The following ZNF385B variants were observed in gnomAD, a reference collection of about 807,000 sequenced individuals.
ZNF385B encodes zinc finger protein 533.
Under a neutral mutation model 39.2 loss-of-function variants are expected in ZNF385B, and 23 were observed. The observed-to-expected ratio is 0.59, with a 90% CI of 0.42 to 0.83. The LOEUF is 0.83. Among genes scored for constraint, ZNF385B ranks in the 40% least tolerant of loss-of-function variants. The probability of loss-of-function intolerance (pLI) is 0.00; values close to 1 mark genes in which losing one functional copy is unlikely to be tolerated. For missense variants in ZNF385B, 552 were observed against 598.9 expected, an observed-to-expected ratio of 0.92 and a Z score of 0.82; for synonymous variants, 205 against 222.6, an observed-to-expected ratio of 0.92 and a Z score of 0.70.
Position 179,444,861 on chromosome 2 carries a change from G to A in ZNF385B, c.1242+15C>T. ...GCTGCCCCACAAAACAGGTGAGCAG[G>A]TGAGGTAAACTTACTGCTAGAATAC... On this transcript the variant is annotated intron_variant, in intron 9 of 9. Transcript: ENST00000410066. 2 of 1,606,438 alleles carry A rather than the reference G, an allele frequency of 1.2e-6. No individual in the cohort carries two copies. The highest frequency in any genetic ancestry group is 1.7e-6 in the Non-Finnish European group (2 of 1,173,018).
At chr2:179,832,804 T>C (rs1350802150) in intron 1 of ZNF385B, among the ~76,000 whole-genome samples, 2 of 152,204 alleles carry the variant, frequency 1.3e-5, no homozygotes, top group East Asian at 3.8e-4. Flanking sequence ...CCTAACCGAA[T>C]ACACATTATG....
chr2:179,734,876 C>G (rs996023051), intron 3 of ZNF385B, among the ~76,000 whole-genome samples: 1 of 152,050 alleles, frequency 6.6e-6, no homozygotes. Context: ...ATAGAAAAAT[C>G]AATTCAAGAT....
chr2:179,571,927 AGTT>A (rs1233216900), intron 3 of ZNF385B, among the ~76,000 whole-genome samples: 1 of 152,006 alleles, frequency 6.6e-6, no homozygotes, highest in Non-Finnish European at 1.5e-5. Context: ...GGATTCTGTA[AGTT>A]GATGCCCTAA....
At chr2:179,622,006 T>TATCTCTTC (rs2106163601) in intron 3 of ZNF385B, among the ~76,000 whole-genome samples, 1 of 152,288 alleles carries the variant, frequency 6.6e-6, no homozygotes, top group East Asian at 1.9e-4. Context: ...CCAGGATTTT[T>TATCTCTTC]ATCTCTTCCA....
intron 5 of ZNF385B, among the ~76,000 whole-genome samples, chr2:179,490,316 A>ACACAC (rs2055074758): frequency 1.1e-4 from 17 of 150,080 alleles, no homozygotes; most frequent in African/African-American, 4.2e-4. Flanking sequence ...TACACACACA[A>ACACAC]ACACACACAC....
At chr2:179,492,588 T>C (rs1041042959) in intron 5 of ZNF385B, among the ~76,000 whole-genome samples, 4 of 152,164 alleles carry the variant, frequency 2.6e-5, no homozygotes, top group African/African-American at 4.8e-5. Flanking sequence ...CAAAGTAACT[T>C]TGAAAGTTCA....
chr2:179,566,616 T>C (rs552124935), intron 3 of ZNF385B, among the ~76,000 whole-genome samples: 2 of 152,380 alleles, frequency 1.3e-5, no homozygotes, highest in South Asian at 4.1e-4. Context: ...CTGTTGATTA[T>C]AAATTGTAAA....
At chr2:179,717,739 C>T (rs1379972042) in intron 3 of ZNF385B, among the ~76,000 whole-genome samples, 1 of 152,128 alleles carries the variant, frequency 6.6e-6, no homozygotes, top group Non-Finnish European at 1.5e-5. Context: ...AACAAATAAA[C>T]AAACAAAAAC....
At chr2:179,681,069 C>T (rs1212222088) in intron 3 of ZNF385B, among the ~76,000 whole-genome samples, 2 of 142,826 alleles carry the variant, frequency 1.4e-5, no homozygotes, top group African/African-American at 5.1e-5. Context: ...TTATCTATGA[C>T]TTAAACAACT....
At position 179,732,391 on chromosome 2, in the gene ZNF385B, G is replaced by T. The variant is rs74478555; in HGVS notation, c.298+37112C>A. Among the ~76,000 whole-genome samples the T allele has an allele frequency of 3.3e-3, 504 of 152,284 alleles. 2 individuals carry two copies. The highest frequency in any genetic ancestry group is 0.012 in the African/African-American group (482 of 41,570). ...TGCAGCTGATCATAATAGGAAAAGG[G>T]TATGTATGACTTGGTGAAAATCCAA... On this transcript the variant is annotated intron_variant, in intron 3 of 9. Coordinates refer to ENST00000410066, the MANE Select transcript of ZNF385B (RefSeq NM_152520.6).
At chr2:179,813,863 T>C (rs1157846419) in intron 1 of ZNF385B, among the ~76,000 whole-genome samples, 1 of 152,214 alleles carries the variant, frequency 6.6e-6, no homozygotes, top group Non-Finnish European at 1.5e-5. Context: ...GCAATTTCCT[T>C]CAGACTCTAG....
At chr2:179,697,970 T>C (rs1391184896) in intron 3 of ZNF385B, among the ~76,000 whole-genome samples, 1 of 152,124 alleles carries the variant, frequency 6.6e-6, no homozygotes, top group Non-Finnish European at 1.5e-5. Flanking sequence ...ATGTTCTCAC[T>C]CATAGGTGGG....
At chr2:179,461,711 C>T (rs116532679) in intron 6 of ZNF385B, among the ~76,000 whole-genome samples, 2,557 of 152,204 alleles carry the variant, frequency 0.017, 43 homozygotes, top group Non-Finnish European at 0.023. Context: ...CTACCCTTTT[C>T]TTATTGACTT....
rs1703909063 is a variant in ZNF385B at position 179,769,793 on chromosome 2, T to C, written c.8A>G (p.Tyr3Cys). Residue 3 changes from tyrosine to cysteine, a missense_variant, in exon 3 of 10, where the codon TAC (tyrosine) becomes TGC (cysteine). Coordinates refer to ENST00000410066, the MANE Select transcript of ZNF385B (RefSeq NM_152520.6). ...AAGATGGTTGTCAGGGCTTAAGGAG[T>C]ACCTCATGCCTGAAAAACAAAACAA... is the stretch of plus-strand genomic sequence containing the variant. The part of the protein sequence containing the change: MR[Y>C]SLSPDNHLED... 1.9e-6 allele frequency: 3 copies of C among 1,608,192 alleles called. No homozygotes were observed. Among genetic ancestry groups the C allele is most frequent in the Non-Finnish European group, 2.6e-6 (3 of 1,176,458 alleles).
intron 3 of ZNF385B, among the ~76,000 whole-genome samples, chr2:179,648,523 T>A (rs1177455836): frequency 2.0e-5 from 3 of 152,256 alleles, no homozygotes; most frequent in Non-Finnish European, 2.9e-5. Context: ...CTCCGAGCAC[T>A]GGCCACTAAG....
At chr2:179,562,455 T>C (rs539598186) in intron 3 of ZNF385B, 15 of 985,400 alleles carry the variant, frequency 1.5e-5, no homozygotes, top group South Asian at 4.7e-5. Flanking sequence ...CTGTACGAGA[T>C]GTTACATTTA....
chr2:179,828,547 G>A (rs1267527313), intron 1 of ZNF385B, among the ~76,000 whole-genome samples: 1 of 151,998 alleles, frequency 6.6e-6, no homozygotes, highest in Non-Finnish European at 1.5e-5. Context: ...AGATGATTTG[G>A]TTTAATACTA....
At chr2:179,720,868 T>G (rs1156648159) in intron 3 of ZNF385B, among the ~76,000 whole-genome samples, 9 of 150,144 alleles carry the variant, frequency 6.0e-5, no homozygotes, top group Admixed American at 6.0e-4. Flanking sequence ...CAAGTGATAC[T>G]CCTGCCTCAG....
chr2:179,544,098 G>A (rs1307627194), intron 4 of ZNF385B, among the ~76,000 whole-genome samples: 1 of 152,140 alleles, frequency 6.6e-6, no homozygotes, highest in African/African-American at 2.4e-5. Flanking sequence ...ATAAGGTTTA[G>A]AATCTGGCTA....
Sources: gnomAD v4.1 joint callset for allele counts (sites outside exome capture counted in the v4.1 genomes callset) on GRCh38, gnomAD v4.1.1 for gene constraint, MANE v1.5 for transcripts, NCBI Gene and HGNC (gene_info 2026-07-23, HGNC 2026-07-21) for gene names.